SH2D4A: variants seen among roughly 807,000 people sequenced by gnomAD.
SH2D4A encodes SH2 domain containing 4A.
Under a neutral mutation model 64.7 loss-of-function variants are expected in SH2D4A, and 70 were observed. That is an observed-to-expected ratio of 1.08 (90% CI 0.89 to 1.32). The LOEUF (loss-of-function observed/expected upper bound fraction) is 1.32, where lower values mean the gene tolerates loss of function less well. Among genes scored for constraint, SH2D4A ranks in the 40% most tolerant of loss-of-function variants. The pLI, the probability that SH2D4A is intolerant of heterozygous loss-of-function variation, is 0.00. For missense variants in SH2D4A, 706 were observed against 540.1 expected (o/e 1.31, Z -3.04); for synonymous variants, 268 against 200.7 (o/e 1.34, Z -2.83).
chr8:19,384,873 A>G (rs1233341087), intron 8 of SH2D4A, among the ~76,000 whole-genome samples: 1 of 152,222 alleles, frequency 6.6e-6, no homozygotes, highest in Non-Finnish European at 1.5e-5. Context: ...AGAAACTGGC[A>G]GGGACTGGGA....
intron 2 of SH2D4A, among the ~76,000 whole-genome samples, chr8:19,320,084 T>C (rs1253348651): frequency 6.6e-6 from 1 of 152,222 alleles, no homozygotes; most frequent in Non-Finnish European, 1.5e-5. Context: ...ACAAAGTTCT[T>C]GTGTCAGTAT....
intron 8 of SH2D4A, among the ~76,000 whole-genome samples, chr8:19,389,852 C>T (rs960179893): frequency 6.6e-6 from 1 of 152,136 alleles, no homozygotes; most frequent in African/African-American, 2.4e-5. Context: ...CCAGCTTGGG[C>T]AATGGAGTAA....
At chr8:19,357,745 A>T (rs923392069) in intron 5 of SH2D4A, among the ~76,000 whole-genome samples, 3 of 152,120 alleles carry the variant, frequency 2.0e-5, no homozygotes, top group African/African-American at 7.2e-5. Context: ...TCTCACGTCC[A>T]TCTAGATGTG....
Position 19,313,705 on chromosome 8 carries a change from C to T in SH2D4A, c.-323C>T, listed in dbSNP as rs1268973835. 2.0e-6 allele frequency: 3 copies of T among 1,469,330 alleles called. No individual in the cohort carries two copies. The highest frequency in any genetic ancestry group is 2.7e-6 in the Non-Finnish European group (3 of 1,102,162). 91.0% of individuals were successfully genotyped at this position (1,469,330 alleles called of 1,614,324 possible). A position where few individuals can be genotyped will look rare whatever the true frequency, so the allele number is the denominator to read the frequency against. On this transcript the variant is annotated 5_prime_UTR_variant, in exon 1 of 10. Coordinates refer to ENST00000265807, the MANE Select transcript of SH2D4A (RefSeq NM_022071.4). ...CGTCCGGGCCGGAGTATTTGCTCAG[C>T]CCGCCTGCGCCGCTTGGGACGCCTC... is the stretch of plus-strand genomic sequence containing the variant.
chr8:19,362,352 T>C (rs74452287), intron 6 of SH2D4A, among the ~76,000 whole-genome samples: 1 of 152,260 alleles, frequency 6.6e-6, no homozygotes, highest in Non-Finnish European at 1.5e-5. Context: ...AAATCATTTT[T>C]ACATTCTGCA....
intron 2 of SH2D4A, among the ~76,000 whole-genome samples, chr8:19,323,312 T>C (rs1004921638): frequency 1.3e-5 from 2 of 152,120 alleles, no homozygotes; most frequent in Non-Finnish European, 2.9e-5. Context: ...ATATTCCTTA[T>C]ATATGGAACT....
At chr8:19,368,340 T>C (rs558943759) in intron 7 of SH2D4A, among the ~76,000 whole-genome samples, 42 of 152,324 alleles carry the variant, frequency 2.8e-4, no homozygotes, top group Admixed American at 5.9e-4. Flanking sequence ...TGGCAATTCG[T>C]AGTAGTCTTT....
At chr8:19,355,154 G>C (rs1585174840) in intron 4 of SH2D4A, among the ~76,000 whole-genome samples, 1 of 152,072 alleles carries the variant, frequency 6.6e-6, no homozygotes, top group African/African-American at 2.4e-5. Flanking sequence ...ATACTTGCGG[G>C]AGTATTAAGA....
intron 1 of SH2D4A, among the ~76,000 whole-genome samples, chr8:19,317,264 A>T (rs2052104138): frequency 1.3e-5 from 2 of 152,030 alleles, no homozygotes; most frequent in South Asian, 2.1e-4. Context: ...GCTGCTAGAA[A>T]CAAAAAGTCA....
intron 8 of SH2D4A, among the ~76,000 whole-genome samples, chr8:19,391,178 C>T (rs752936004): frequency 7.2e-5 from 11 of 152,246 alleles, no homozygotes; most frequent in African/African-American, 2.2e-4. Context: ...GTGCAGTCCC[C>T]GCATGGGCTG....
chr8:19,317,709 T>C (rs1343081164), intron 1 of SH2D4A, among the ~76,000 whole-genome samples: 1 of 152,132 alleles, frequency 6.6e-6, no homozygotes, highest in East Asian at 1.9e-4. Flanking sequence ...CAAATCTAAC[T>C]GTATCAATGA....
intron 4 of SH2D4A, among the ~76,000 whole-genome samples, chr8:19,335,105 A>T (rs1386135768): frequency 6.6e-6 from 1 of 151,984 alleles, no homozygotes. Flanking sequence ...AACACGGTGA[A>T]ACCCCGTGTC....
Position 19,364,277 on chromosome 8 carries a change from T to C in SH2D4A, c.912T>C (p.Pro304=). 6.2e-7 allele frequency: 1 copy of C among 1,613,974 alleles called. No homozygotes were observed. The highest frequency in any genetic ancestry group is 1.1e-5 in the South Asian group (1 of 91,074). ...ACTCAGGGGCATATCCTCAAAAACC[T>C]CTTAGGTAAGAAGCCACACAGATGG... ...FLNSGAYPQK[P]LRNQGVVRTL... is the part of the protein sequence containing the mutation. Residue 304 remains proline, a synonymous_variant, in exon 7 of 10, where the codon CCT becomes CCC. Transcript: ENST00000265807.
At chr8:19,320,885 G>C (rs1160355877) in intron 2 of SH2D4A, among the ~76,000 whole-genome samples, 1 of 152,146 alleles carries the variant, frequency 6.6e-6, no homozygotes, top group South Asian at 2.1e-4. Context: ...ATCACATATG[G>C]TTTCAAAGAT....
chr8:19,381,562 A>G (rs1220189148), intron 8 of SH2D4A, among the ~76,000 whole-genome samples: 1 of 152,142 alleles, frequency 6.6e-6, no homozygotes, highest in Non-Finnish European at 1.5e-5. Context: ...TTTTTGTGGA[A>G]TCTTTCTGGT....
At chr8:19,373,507 T>G (rs749603432) in intron 7 of SH2D4A, 23 bp from the exon 8 acceptor site, 2 of 1,554,430 alleles carry the variant, frequency 1.3e-6, no homozygotes, top group Non-Finnish European at 1.7e-6. Context: ...AAATCTAACT[T>G]GAAAAACTTT....
chr8:19,350,070 A>G (rs986021125), intron 4 of SH2D4A, among the ~76,000 whole-genome samples: 2 of 152,196 alleles, frequency 1.3e-5, no homozygotes, highest in South Asian at 2.1e-4. Flanking sequence ...TCCTGTATCA[A>G]TCATGTTTTT....
intron 7 of SH2D4A, among the ~76,000 whole-genome samples, chr8:19,364,783 G>A (rs539755492): frequency 2.6e-5 from 4 of 152,278 alleles, no homozygotes; most frequent in Admixed American, 1.3e-4. Context: ...TCTCATTCAC[G>A]GATACATAGC....
intron 6 of SH2D4A, among the ~76,000 whole-genome samples, chr8:19,363,361 GC>G (rs2052926384): frequency 6.6e-6 from 1 of 152,092 alleles, no homozygotes; most frequent in African/African-American, 2.4e-5. Flanking sequence ...ACAGGTATGA[GC>G]CACTGTGCCC....
Sources: gnomAD v4.1 joint callset for allele counts (sites outside exome capture counted in the v4.1 genomes callset) on GRCh38, gnomAD v4.1.1 for gene constraint, MANE v1.5 for transcripts, NCBI Gene and HGNC (gene_info 2026-07-23, HGNC 2026-07-21) for gene names.